M1AP: variants seen among roughly 807,000 people sequenced by gnomAD.
M1AP encodes meiosis 1 associated protein, also known as meiosis 1 arrest protein.
M1AP carries 39 observed loss-of-function variants against 51.2 expected under a neutral mutation model. The ratio of observed to expected loss-of-function variants is 0.76; its 90% CI spans 0.59 to 1.00. The LOEUF is 1.00. Among genes scored for constraint, M1AP ranks in the 50% least tolerant of loss-of-function variants. M1AP has a pLI of 0.00. For missense variants in M1AP, 545 were observed against 641.2 expected, an observed-to-expected ratio of 0.85 and a Z score of 1.62; for synonymous variants, 251 against 249.2, an observed-to-expected ratio of 1.01 and a Z score of -0.07.
chr2:74,623,379 C>T (rs1682185993), intron 2 of M1AP, among the ~76,000 whole-genome samples: 2 of 151,972 alleles, frequency 1.3e-5, no homozygotes, highest in South Asian at 4.1e-4. Flanking sequence ...TGACCCGTGC[C>T]TGTAGTTCCA....
intron 3 of M1AP, among the ~76,000 whole-genome samples, chr2:74,608,322 T>C (rs115720893): frequency 0.015 from 2,239 of 152,320 alleles, 66 homozygotes; most frequent in African/African-American, 0.051. Flanking sequence ...GAATGTCATA[T>C]AGTTGGGGAT....
intron 5 of M1AP, 183 bp from the exon 6 acceptor site, chr2:74,576,801 G>T: frequency 7.8e-7 from 1 of 1,277,050 alleles, no homozygotes; most frequent in Non-Finnish European, 1.0e-6. Flanking sequence ...GGTTTGGAAA[G>T]GGAGAACAGG....
At chr2:74,589,098 C>T (rs565272384) in intron 4 of M1AP, among the ~76,000 whole-genome samples, 49 of 152,342 alleles carry the variant, frequency 3.2e-4, no homozygotes, top group African/African-American at 1.2e-3. Flanking sequence ...GAAGTTTTAG[C>T]TTGGCTGGCC....
chr2:74,559,869 G>A (rs886346488), intron 9 of M1AP, among the ~76,000 whole-genome samples, 160 bp from the exon 10 acceptor site: 1 of 152,246 alleles, frequency 6.6e-6, no homozygotes, highest in African/African-American at 2.4e-5. Context: ...TATAGTTCCT[G>A]TGTAGCCAGT....
At chr2:74,648,104 G>C in intron 1 of M1AP, 161 bp downstream of exon 1, 1 of 984,326 alleles carries the variant, frequency 1.0e-6, no homozygotes, top group Non-Finnish European at 1.2e-6. Context: ...CGATTTCGGA[G>C]CCTCTCTCGG....
intron 3 of M1AP, among the ~76,000 whole-genome samples, chr2:74,610,591 G>A (rs1681277175): frequency 1.3e-5 from 2 of 152,244 alleles, no homozygotes; most frequent in South Asian, 4.2e-4. Context: ...TGGAACTACA[G>A]GTATGCACCA....
intron 2 of M1AP, among the ~76,000 whole-genome samples, chr2:74,631,498 A>G (rs1682702290): frequency 6.6e-6 from 1 of 152,096 alleles, no homozygotes; most frequent in Admixed American, 6.6e-5. Flanking sequence ...ATGCTGTTTA[A>G]TATATTATAT....
Position 74,562,373 on chromosome 2 carries a change from G to A in M1AP, c.1125C>T (p.His375=), listed in dbSNP as rs1678080056. Residue 375 remains histidine, a synonymous_variant, in exon 8 of 11, where the codon CAC becomes CAT. Transcript: ENST00000421985. ...LAKGEPPGPG[H]SQRIPASTFY... ...AGGTGCTGGCAGGAATTCTCTGGCT[G>A]TGTCCTGGGCCCGGTGGTTCCCCCT... 3 of 1,614,258 alleles carry A rather than the reference G, an allele frequency of 1.9e-6. No individual in the cohort carries two copies. Among genetic ancestry groups the A allele is most frequent in the Non-Finnish European group, 2.5e-6 (3 of 1,180,040 alleles).
intron 4 of M1AP, among the ~76,000 whole-genome samples, chr2:74,597,051 A>G (rs1680384345): frequency 6.6e-6 from 1 of 152,228 alleles, no homozygotes; most frequent in Admixed American, 6.5e-5. Flanking sequence ...GGGCATATAC[A>G]TCGGTCAAAA....
intron 2 of M1AP, among the ~76,000 whole-genome samples, chr2:74,632,434 T>C (rs990021777): frequency 1.3e-5 from 2 of 152,208 alleles, no homozygotes; most frequent in Non-Finnish European, 2.9e-5. Context: ...GACCTCCTTG[T>C]GGCGGAAGGG....
intron 2 of M1AP, among the ~76,000 whole-genome samples, chr2:74,626,796 A>G (rs540378941): frequency 1.3e-5 from 2 of 152,342 alleles, no homozygotes; most frequent in East Asian, 3.9e-4. Context: ...CTCATTTTAA[A>G]TGCTATCTTT....
chr2:74,643,572 TG>T, intron 1 of M1AP, among the ~76,000 whole-genome samples: 1 of 150,130 alleles, frequency 6.7e-6, no homozygotes, highest in Non-Finnish European at 1.5e-5. Context: ...AAGGGGGTCC[TG>T]GGGTGTTGGT....
Position 74,640,331 on chromosome 2 carries a change from T to C in M1AP, c.-52-4A>G, listed in dbSNP as rs1206495342. On this transcript the variant is annotated splice_region_variant and splice_polypyrimidine_tract_variant and intron_variant, in intron 1 of 10. Coordinates refer to ENST00000421985, the MANE Select transcript of M1AP (RefSeq NM_001321739.2). ...ACCAGCTGGATATTCTTTACACCTA[T>C]AGGGAAGGAAAGAGAAACCACTGGT... is the stretch of plus-strand genomic sequence containing the variant. 4.6e-5 allele frequency: 73 copies of C among 1,586,180 alleles called. No individual in the cohort carries two copies. Among genetic ancestry groups the C allele is most frequent in the East Asian group, 2.2e-5 (1 of 44,666 alleles).
intron 2 of M1AP, among the ~76,000 whole-genome samples, chr2:74,623,509 A>G (rs2104775366): frequency 6.6e-6 from 1 of 152,106 alleles, no homozygotes; most frequent in South Asian, 2.1e-4. Context: ...TCTATAAAAA[A>G]AAAAAAAAAG....
intron 2 of M1AP, chr2:74,620,912 T>C: frequency 5.6e-6 from 1 of 179,074 alleles, no homozygotes; most frequent in Non-Finnish European, 1.3e-5. Context: ...CAACATGCTG[T>C]CCAAACAGCT....
At chr2:74,640,622 A>C (rs1166209167) in intron 1 of M1AP, among the ~76,000 whole-genome samples, 1 of 152,096 alleles carries the variant, frequency 6.6e-6, no homozygotes, top group African/African-American at 2.4e-5. Context: ...CACCACGCCC[A>C]GCTAATTTTT....
Position 74,628,974 on chromosome 2 carries a change from T to C in M1AP, c.240+11062A>G, listed in dbSNP as rs1682554398. ...GAATACTTTCAAATAATGGTGATGATACTAAACTTCCTTATCTTGCACGGG... is the reference window on the plus strand; with the variant it reads ...GAATACTTTCAAATAATGGTGATGACACTAAACTTCCTTATCTTGCACGGG... On this transcript the variant is annotated intron_variant, in intron 2 of 10. Coordinates refer to ENST00000421985, the MANE Select transcript of M1AP (RefSeq NM_001321739.2). 1.2e-5 allele frequency: 3 copies of C among 258,066 alleles called. No individual in the cohort carries two copies. In the South Asian group the frequency reaches 1.7e-4, roughly 15 times the overall value. 16.0% of individuals were successfully genotyped at this position (258,066 alleles called of 1,614,324 possible).
chr2:74,602,912 G>C (rs527255623), intron 4 of M1AP, among the ~76,000 whole-genome samples: 6 of 152,282 alleles, frequency 3.9e-5, no homozygotes, highest in African/African-American at 1.4e-4. Flanking sequence ...CTAAAGAAAG[G>C]CATCAGGCAG....
chr2:74,575,336 G>T (rs1678993444), intron 7 of M1AP, 102 bp downstream of exon 7: 8 of 1,554,158 alleles, frequency 5.1e-6, no homozygotes, highest in Non-Finnish European at 7.0e-6. Flanking sequence ...CTTCTTGAGG[G>T]TTGAGGCAGA....
Sources: allele counts gnomAD v4.1 joint callset (sites outside exome capture counted in the v4.1 genomes callset), GRCh38; gene constraint gnomAD v4.1.1; transcripts MANE v1.5; gene names NCBI Gene and HGNC (gene_info 2026-07-23, HGNC 2026-07-21).